The following RHPN1 variants were observed in gnomAD, a reference collection of about 807,000 sequenced individuals.
The protein encoded by RHPN1 is rhophilin-1.
Under a neutral mutation model 74.7 loss-of-function variants are expected in RHPN1, and 77 were observed. The observed-to-expected ratio is 1.03, with a 90% CI of 0.86 to 1.25. The LOEUF is 1.25. RHPN1 is among the 50% of genes most tolerant of loss of function. RHPN1 has a pLI of 0.00. For synonymous variants in RHPN1, 444 were observed against 414.5 expected, an observed-to-expected ratio of 1.07 and a Z score of -0.87; for missense variants, 987 against 932.2, an observed-to-expected ratio of 1.06 and a Z score of -0.77.
At chr8:143,380,449 G>A in intron 10 of RHPN1, 140 bp from the exon 11 acceptor site, 1 of 781,282 alleles carries the variant, frequency 1.3e-6, no homozygotes, top group Middle Eastern at 3.8e-4. Context: ...TGCACAGCCA[G>A]CTCCTCACCC....
At position 143,376,870 on chromosome 8, in the gene RHPN1, A is replaced by ATGTGTGCAT. The variant is rs56074270; in HGVS notation, c.305+223_305+224insCATTGTGTG. ...TGTGTGCGTGTGTCTCTGTGTGTAT[A>ATGTGTGCAT]TGTGTGTGCATGTGTGTGCATGCGT... On this transcript the variant is annotated intron_variant, in intron 3 of 14. Coordinates refer to ENST00000289013, the MANE Select transcript of RHPN1 (RefSeq NM_052924.3). Among the ~76,000 whole-genome samples the ATGTGTGCAT allele has an allele frequency of 5.2e-4, 77 of 148,404 alleles. No homozygotes were observed. The East Asian group carries it at 0.012, about 23-fold the overall frequency.
At position 143,381,676 on chromosome 8, in the gene RHPN1, G is replaced by A. The variant is rs768183720; in HGVS notation, c.1593G>A (p.Ser531=). ...GGFGLTLRGD[S]PVLIAAVIPG... Reference sequence around the variant, plus strand: ...TTGGCCTCACGCTTCGGGGAGACTCGCCTGTCCTCATCGCTGCCGTCATTC... The same window carrying A: ...TTGGCCTCACGCTTCGGGGAGACTCACCTGTCCTCATCGCTGCCGTCATTC... Residue 531 remains serine (S), a synonymous_variant, in exon 13 of 15, where the codon TCG becomes TCA. Transcript: ENST00000289013. The A allele has an allele frequency of 1.2e-5, 20 of 1,611,386 alleles. No individual in the cohort carries two copies. The highest frequency in any genetic ancestry group is 1.6e-5 in the Non-Finnish European group (19 of 1,179,496).
chr8:143,369,611 T>A (rs1817692778), intron 1 of RHPN1, among the ~76,000 whole-genome samples: 1 of 152,144 alleles, frequency 6.6e-6, no homozygotes, highest in African/African-American at 2.4e-5. Flanking sequence ...TGGGCAGGGC[T>A]GTGGAGACCT....
At chr8:143,381,215 C>T (rs542439004) in intron 11 of RHPN1, 53 bp from the exon 12 acceptor site, 17 of 1,496,898 alleles carry the variant, frequency 1.1e-5, no homozygotes, top group South Asian at 6.0e-5. Flanking sequence ...GGAAAATCCC[C>T]GAGGCAGGTC....
In RHPN1 at chr8:143,379,858, G is replaced by T; in HGVS notation, c.975G>T (p.Arg325=). 1 of 1,610,840 alleles carries T rather than the reference G, an allele frequency of 6.2e-7. No homozygotes were observed. Among genetic ancestry groups the T allele is most frequent in the Non-Finnish European group, 8.5e-7 (1 of 1,179,204 alleles). The change falls in exon 9 of 15, where the codon CGG becomes CGT. Residue 325 remains arginine (R), a synonymous_variant. Transcript: ENST00000289013. ...QVAAEYRLVH[R]TMAQPPVHDY... Reference sequence around the variant, plus strand: ...CAGCCGAGTACAGGCTAGTGCACCGGACCATGGCCCAGCCACCCGTCCACG... The same window carrying T: ...CAGCCGAGTACAGGCTAGTGCACCGTACCATGGCCCAGCCACCCGTCCACG...
At chr8:143,378,181 G>A (rs1052367069) in intron 4 of RHPN1, 88 bp from the exon 5 acceptor site, 1 of 1,105,278 alleles carries the variant, frequency 9.0e-7, no homozygotes, top group Admixed American at 2.0e-5. Flanking sequence ...CCTCCACCAT[G>A]AGTCTTTTCC....
chr8:143,381,834 A>G lies in RHPN1; in HGVS notation c.1663A>G (p.Ile555Val), dbSNP rs1170970301. ...AAAGLKEGDYIVSVNGQPCRW... is the reference protein window; with the variant it reads ...AAAGLKEGDYVVSVNGQPCRW... Reference sequence around the variant, plus strand: ...GGCTGGCCTGAAGGAGGGCGACTACATTGTGTCAGTGAATGGGCAGCCATG... The same window carrying G: ...GGCTGGCCTGAAGGAGGGCGACTACGTTGTGTCAGTGAATGGGCAGCCATG... The change falls in exon 14 of 15, where the codon ATT becomes GTT. Residue 555 changes from isoleucine (I) to valine (V), a missense_variant. Ile to Val is a conservative substitution (Grantham distance 29, BLOSUM62 3). Transcript: ENST00000289013. 6.2e-7 allele frequency: 1 copy of G among 1,612,920 alleles called. No individual in the cohort carries two copies. The highest frequency in any genetic ancestry group is 8.5e-7 in the Non-Finnish European group (1 of 1,179,748).
At chr8:143,372,468 G>C (rs1817893875) in intron 1 of RHPN1, among the ~76,000 whole-genome samples, 1 of 152,158 alleles carries the variant, frequency 6.6e-6, no homozygotes, top group Non-Finnish European at 1.5e-5. Flanking sequence ...AGCAGGGTGA[G>C]GGTTCCCAAG....
chr8:143,378,247 G>A, intron 4 of RHPN1, 22 bp from the exon 5 acceptor site: 1 of 1,556,148 alleles, frequency 6.4e-7, no homozygotes, highest in Non-Finnish European at 8.7e-7. Flanking sequence ...TACTGTGGAT[G>A]CCAACACCTG....
chr8:143,372,035 A>AG (rs1563786735), intron 1 of RHPN1, among the ~76,000 whole-genome samples: 1 of 152,180 alleles, frequency 6.6e-6, no homozygotes, highest in African/African-American at 2.4e-5. Context: ...CACTGCGGGT[A>AG]GGGAGGCCGA....
At position 143,383,028 on chromosome 8, in the gene RHPN1, C is replaced by T; in HGVS notation, c.*377C>T. 4.3e-6 allele frequency: 1 copy of T among 231,362 alleles called. No homozygotes were observed. The highest frequency in any genetic ancestry group is 5.4e-5 in the Admixed American group (1 of 18,612). The allele number at this position is 231,362 out of a possible 1,614,324, so 14.3% of individuals were successfully genotyped here. A position where few individuals can be genotyped will look rare whatever the true frequency, so the allele number is the denominator to read the frequency against. ...CTCAGTCCTGCCTCCAGCCAAGTTTCTGCCTGGTGCCCAGTGATTCCTGCT... is the reference window on the plus strand; with the variant it reads ...CTCAGTCCTGCCTCCAGCCAAGTTTTTGCCTGGTGCCCAGTGATTCCTGCT... On this transcript the variant is annotated 3_prime_UTR_variant, in exon 15 of 15. Transcript: ENST00000289013.
At chr8:143,381,171 G>A in intron 11 of RHPN1, 97 bp from the exon 12 acceptor site, 2 of 1,024,258 alleles carry the variant, frequency 2.0e-6, no homozygotes, top group Non-Finnish European at 1.4e-6. Flanking sequence ...CAGAAGCGGG[G>A]CCTGTGTGCA....
chr8:143,374,512 C>T (rs908141211), intron 1 of RHPN1, among the ~76,000 whole-genome samples: 1 of 152,264 alleles, frequency 6.6e-6, no homozygotes, highest in African/African-American at 2.4e-5. Flanking sequence ...GCAGTGAGCC[C>T]TGAGCAGCAC....
Position 143,378,356 on chromosome 8 carries a change from T to TCGGGGGGGGGGGGGGG in RHPN1, c.459+11_459+12insGGGGGGGGGGGGGGGC. ...GGAGGCCCTGCGGCAGGTGTGTGGT[T>TCGGGGGGGGGGGGGGG]CCCCCGCCCACCCACCCTCCTGCAG... is the stretch of plus-strand genomic sequence containing the variant. On this transcript the variant is annotated intron_variant, in intron 5 of 14. Coordinates refer to ENST00000289013, the MANE Select transcript of RHPN1 (RefSeq NM_052924.3). The TCGGGGGGGGGGGGGGG allele has an allele frequency of 5.9e-6, 9 of 1,525,410 alleles. No homozygotes were observed. Among genetic ancestry groups the TCGGGGGGGGGGGGGGG allele is most frequent in the Non-Finnish European group, 7.0e-6 (8 of 1,136,328 alleles). 94.5% of individuals were successfully genotyped at this position (1,525,410 alleles called of 1,614,324 possible). A position where few individuals can be genotyped will look rare whatever the true frequency, so the allele number is the denominator to read the frequency against.
chr8:143,379,251 G>C, intron 7 of RHPN1, 64 bp from the exon 8 acceptor site: 1 of 1,469,342 alleles, frequency 6.8e-7, no homozygotes, highest in East Asian at 2.4e-5. Context: ...CGCCCTGAGT[G>C]CTGCATGGGG....
intron 3 of RHPN1, 138 bp from the exon 4 acceptor site, chr8:143,377,242 C>A (rs1012501075): frequency 1.6e-6 from 1 of 631,422 alleles, no homozygotes; most frequent in Non-Finnish European, 2.8e-6. Context: ...GCAAGGATGC[C>A]CCCCAGGACA....
chr8:143,372,383 GCCTCTCCAGCCCGAGT>G (rs1281519775), intron 1 of RHPN1, among the ~76,000 whole-genome samples: 1 of 152,166 alleles, frequency 6.6e-6, no homozygotes, highest in Non-Finnish European at 1.5e-5. Flanking sequence ...CCACCTGTGG[GCCTCTCCAGCCCGAGT>G]CCCTGAAGCA....
At position 143,380,630 on chromosome 8, in the gene RHPN1, G is replaced by T. The variant is rs1434228283; in HGVS notation, c.1258G>T (p.Ala420Ser). The change falls in exon 11 of 15, where the codon GCG (alanine) becomes TCG (serine). Residue 420 changes from alanine (A) to serine (S), a missense_variant. By Grantham distance (99) the Ala-to-Ser change is moderately conservative (BLOSUM62 1). Coordinates refer to ENST00000289013, the MANE Select transcript of RHPN1 (RefSeq NM_052924.3). ...GCGTGCCATCCTGGGGCAGGAGGAG[G>T]CGCTGCGGCTGCACGCCCTGTGCCG... ...LKRAILGQEE[A>S]LRLHALCRVL... 4 of 1,552,488 alleles carry T rather than the reference G, an allele frequency of 2.6e-6. No homozygotes were observed. Among genetic ancestry groups the T allele is most frequent in the Non-Finnish European group, 3.5e-6 (4 of 1,148,314 alleles).
Position 143,381,321 on chromosome 8 carries a change from G to C in RHPN1, c.1465G>C (p.Gly489Arg). Residue 489 changes from glycine (G) to arginine (R), a missense_variant, in exon 12 of 15, where the codon GGG (glycine) becomes CGG (arginine). By Grantham distance (125) the Gly-to-Arg change is moderately radical (BLOSUM62 -2). Transcript: ENST00000289013. ...GATGCCACGCCTGTCCCAGGGGAAG[G>C]GGCCTGACATCTTCCATCGGCTGGT... ...ARMPRLSQGK[G>R]PDIFHRLGPL... 2 of 1,612,304 alleles carry C rather than the reference G, an allele frequency of 1.2e-6. No individual in the cohort carries two copies. Among genetic ancestry groups the C allele is most frequent in the Non-Finnish European group, 1.7e-6 (2 of 1,179,450 alleles).
Sources: allele counts gnomAD v4.1 joint callset (sites outside exome capture counted in the v4.1 genomes callset), GRCh38; gene constraint gnomAD v4.1.1; transcripts MANE v1.5; gene names NCBI Gene and HGNC (gene_info 2026-07-23, HGNC 2026-07-21).